RAB27B: variants seen among roughly 807,000 people sequenced by gnomAD.
RAB27B encodes ras-related protein Rab-27B.
Under a neutral mutation model 24.6 loss-of-function variants are expected in RAB27B, and 15 were observed. The observed-to-expected ratio is 0.61, with a 90% CI of 0.41 to 0.94. The LOEUF is 0.94. Among genes scored for constraint, RAB27B ranks in the 40% least tolerant of loss-of-function variants. The pLI is 0.00. For synonymous variants in RAB27B, 105 were observed against 92.5 expected (o/e 1.14, Z -0.78); for missense variants, 261 against 266.8 (o/e 0.98, Z 0.15).
Position 54,812,057 on chromosome 18 carries a change from G to A in RAB27B, c.-19-65510G>A, listed in dbSNP as rs1196131190. ...TTTTGTGTAAGTTTGCTCTGATAAG[G>A]TAATAAGCACACTTGCTAATGTCAA... is the stretch of plus-strand genomic sequence containing the variant. On this transcript the variant is annotated intron_variant, in intron 2 of 4. Coordinates refer to the RAB27B transcript ENST00000586570. 5.3e-5 allele frequency among the ~76,000 whole-genome samples: 8 copies of A among 152,230 alleles called. No individual in the cohort carries two copies. The East Asian group carries it at 1.5e-3, about 29-fold the overall frequency.
chr18:54,872,324 GATAGA>G (rs1912503710), intron 1 of RAB27B, among the ~76,000 whole-genome samples: 4 of 152,058 alleles, frequency 2.6e-5, no homozygotes, highest in Non-Finnish European at 4.4e-5. Flanking sequence ...TGCAACTTAA[GATAGA>G]AAAATGAGCT....
At chr18:54,824,922 C>T (rs1910424965), upstream of RAB27B, among the ~76,000 whole-genome samples, 1 of 151,942 alleles carries the variant, frequency 6.6e-6, no homozygotes, top group African/African-American at 2.4e-5. Context: ...TATTTTACTG[C>T]CTCTTATGTT....
chr18:54,858,142 G>A (rs1329593676), intron 1 of RAB27B, among the ~76,000 whole-genome samples: 1 of 152,148 alleles, frequency 6.6e-6, no homozygotes, highest in Non-Finnish European at 1.5e-5. Flanking sequence ...AATATTATCA[G>A]AGAAGGACAG....
At chr18:54,774,964 T>C (rs1349346136) in intron 2 of RAB27B, among the ~76,000 whole-genome samples, 4 of 152,204 alleles carry the variant, frequency 2.6e-5, no homozygotes, top group Non-Finnish European at 5.9e-5. Flanking sequence ...TGGCACCTAA[T>C]TAATATCTGC....
At chr18:54,807,930 C>T (rs1182880227) in intron 2 of RAB27B, among the ~76,000 whole-genome samples, 1 of 152,104 alleles carries the variant, frequency 6.6e-6, no homozygotes, top group Non-Finnish European at 1.5e-5. Context: ...CGTAGGAATC[C>T]ATATTACTTG....
In RAB27B at chr18:54,838,408, GAAA is replaced by G. The variant is rs1296724291; in HGVS notation, c.-20+9711_-20+9713del. On this transcript the variant is annotated intron_variant, in intron 1 of 5. Coordinates refer to ENST00000262094, the MANE Select transcript of RAB27B (RefSeq NM_004163.4). ...ATATTTTTTTTCTAGTCCACTGTTT[GAAA>G]AAGTTTGGGGAATATTCTATTACAT... 2.0e-5 allele frequency among the ~76,000 whole-genome samples: 3 copies of G among 152,028 alleles called. No individual in the cohort carries two copies. The East Asian group carries it at 5.8e-4, about 29-fold the overall frequency.
intron 2 of RAB27B, among the ~76,000 whole-genome samples, chr18:54,820,673 A>C (rs1270373818): frequency 2.0e-5 from 3 of 152,116 alleles, no homozygotes; most frequent in Non-Finnish European, 4.4e-5. Flanking sequence ...TTGGTGTTTT[A>C]GACATGAAGT....
At chr18:54,886,738 G>T (rs960919857) in intron 4 of RAB27B, among the ~76,000 whole-genome samples, 1 of 151,942 alleles carries the variant, frequency 6.6e-6, no homozygotes, top group South Asian at 2.1e-4. Context: ...GTTTTTAAAC[G>T]TCTCCAGAAG....
chr18:54,856,118 A>T (rs1911775556), intron 1 of RAB27B, among the ~76,000 whole-genome samples: 1 of 152,220 alleles, frequency 6.6e-6, no homozygotes, highest in Non-Finnish European at 1.5e-5. Flanking sequence ...AAAAAGAATT[A>T]AAATATGGGG....
chr18:54,875,459 CAT>C (rs1369904320), intron 1 of RAB27B, among the ~76,000 whole-genome samples: 4 of 152,172 alleles, frequency 2.6e-5, no homozygotes, highest in African/African-American at 7.2e-5. Context: ...ATAATTGAGA[CAT>C]GTGTATCCTT....
intron 2 of RAB27B, among the ~76,000 whole-genome samples, chr18:54,784,580 C>A (rs531238822): frequency 2.0e-5 from 3 of 152,328 alleles, no homozygotes; most frequent in Admixed American, 2.0e-4. Context: ...TTTTCTGTTC[C>A]TGTGTCAATT....
intron 2 of RAB27B, among the ~76,000 whole-genome samples, chr18:54,794,688 G>A (rs1215112133): frequency 6.6e-6 from 1 of 152,116 alleles, no homozygotes; most frequent in Non-Finnish European, 1.5e-5. Flanking sequence ...TTTGAAGAAG[G>A]AGAGACCTGA....
intron 2 of RAB27B, among the ~76,000 whole-genome samples, chr18:54,756,436 T>G (rs1043452063): frequency 1.3e-5 from 2 of 152,182 alleles, no homozygotes; most frequent in African/African-American, 4.8e-5. Flanking sequence ...TTCCTGCCCC[T>G]AAAATACTGC....
At chr18:54,802,041 T>C (rs1381566174) in intron 2 of RAB27B, among the ~76,000 whole-genome samples, 2 of 152,194 alleles carry the variant, frequency 1.3e-5, no homozygotes, top group African/African-American at 4.8e-5. Context: ...TCTTGTTGAG[T>C]AAGATACTTG....
intron 4 of RAB27B, among the ~76,000 whole-genome samples, chr18:54,886,417 T>C (rs967158156): frequency 1.3e-5 from 2 of 152,134 alleles, no homozygotes; most frequent in African/African-American, 4.8e-5. Flanking sequence ...TATCACTACA[T>C]ATTATGCAAA....
rs185370327 is a variant in RAB27B, at chr18:54,773,049, A to G, written c.-20+54908A>G. ...GCCATAGATCAATTGCCATGCCTATACTTCTTTTTTTTTTTAAATCTTCAC... is the reference window on the plus strand; with the variant it reads ...GCCATAGATCAATTGCCATGCCTATGCTTCTTTTTTTTTTTAAATCTTCAC... On this transcript the variant is annotated intron_variant, in intron 2 of 4. Coordinates refer to the RAB27B transcript ENST00000586570. 1.2e-4 allele frequency among the ~76,000 whole-genome samples: 18 copies of G among 151,840 alleles called. No individual in the cohort carries two copies. The East Asian group carries it at 3.5e-3, about 29-fold the overall frequency.
intron 2 of RAB27B, among the ~76,000 whole-genome samples, chr18:54,818,585 T>G (rs1910193652): frequency 6.6e-6 from 1 of 152,128 alleles, no homozygotes; most frequent in African/African-American, 2.4e-5. Flanking sequence ...GTGGTTAGTA[T>G]GCCTCCACTG....
At chr18:54,736,103 C>A (rs1598867117) in intron 2 of RAB27B, among the ~76,000 whole-genome samples, 1 of 152,178 alleles carries the variant, frequency 6.6e-6, no homozygotes, top group East Asian at 1.9e-4. Flanking sequence ...CAAAACCATG[C>A]AAGTTGGGAT....
intron 2 of RAB27B, among the ~76,000 whole-genome samples, chr18:54,781,571 T>C (rs1275253189): frequency 6.6e-6 from 1 of 152,142 alleles, no homozygotes. Flanking sequence ...CTTCTTAAAC[T>C]TTCAATTTGT....
Sources: allele counts gnomAD v4.1 joint callset (sites outside exome capture counted in the v4.1 genomes callset), GRCh38; gene constraint gnomAD v4.1.1; transcripts MANE v1.5; gene names NCBI Gene and HGNC (gene_info 2026-07-23, HGNC 2026-07-21).